The following PKP4 variants were observed in gnomAD, a reference collection of about 807,000 sequenced individuals.
PKP4 encodes the protein plakophilin 4, also known as plakophilin-4.
PKP4 carries 90 observed loss-of-function variants against 145.1 expected under a neutral mutation model. The ratio of observed to expected loss-of-function variants is 0.62; its 90% CI spans 0.52 to 0.74. The LOEUF (loss-of-function observed/expected upper bound fraction) is 0.74. Ranked by LOEUF, PKP4 falls within the 30% of genes least tolerant of loss-of-function variation. PKP4 has a pLI of 0.00. For missense variants in PKP4, 1,340 were observed against 1,482.7 expected, an observed-to-expected ratio of 0.90 and a Z score of 1.58; for synonymous variants, 563 against 577.2, an observed-to-expected ratio of 0.98 and a Z score of 0.35.
At chr2:158,665,137 G>C (rs2056962490) in intron 15 of PKP4, among the ~76,000 whole-genome samples, 1 of 152,198 alleles carries the variant, frequency 6.6e-6, no homozygotes, top group South Asian at 2.1e-4. Flanking sequence ...ATGTTATCAA[G>C]TAAGAAGCTA....
chr2:158,632,359 G>A (rs2053440918), intron 8 of PKP4: 1 of 182,080 alleles, frequency 5.5e-6, no homozygotes, highest in Non-Finnish European at 1.2e-5. Flanking sequence ...AAGCCCAAGT[G>A]TATTTGGCAT....
At chr2:158,608,814 T>C (rs1051829399) in intron 4 of PKP4, among the ~76,000 whole-genome samples, 61 of 133,650 alleles carry the variant, frequency 4.6e-4, no homozygotes, top group Non-Finnish European at 9.1e-4. Context: ...CTTTCTTTTT[T>C]TTTTTTTTTT....
In PKP4 at chr2:158,669,774, G is replaced by A; in HGVS notation, c.2783G>A (p.Ser928Asn). The change falls in exon 17 of 22, where the codon AGT (serine) becomes AAT (asparagine). Residue 928 changes from serine (S) to asparagine (N), a missense_variant. Transcript: ENST00000389759. ...VNRLPGGNGP[S>N]VLSDETMAAI... ...CGGCTCCCCGGCGGCAATGGCCCCA[G>A]TGTCTTGTCTGATGAGACCATGGCA... 2 of 1,611,400 alleles carry A rather than the reference G, an allele frequency of 1.2e-6. No homozygotes were observed. Among genetic ancestry groups the A allele is most frequent in the Non-Finnish European group, 1.7e-6 (2 of 1,178,164 alleles).
chr2:158,520,477 CTATT>C (rs1215873546), intron 1 of PKP4, among the ~76,000 whole-genome samples: 1 of 152,118 alleles, frequency 6.6e-6, no homozygotes, highest in Non-Finnish European at 1.5e-5. Context: ...AAATACTATT[CTATT>C]TATCATCACT....
intron 9 of PKP4, 64 bp from the exon 10 acceptor site, chr2:158,640,563 G>T (rs2054193162): frequency 6.4e-7 from 1 of 1,561,760 alleles, no homozygotes; most frequent in Non-Finnish European, 8.7e-7. Context: ...TATACCAAGT[G>T]TTTTTTTCAG....
chr2:158,505,299 A>C (rs922269835), intron 1 of PKP4, among the ~76,000 whole-genome samples: 1 of 152,206 alleles, frequency 6.6e-6, no homozygotes, highest in Non-Finnish European at 1.5e-5. Flanking sequence ...TCAGGGACCC[A>C]GAATAAAATT....
chr2:158,457,271 C>CG (rs1362462217), intron 1 of PKP4, 53 bp downstream of exon 1: 2 of 151,832 alleles, frequency 1.3e-5, no homozygotes, highest in African/African-American at 4.8e-5. Flanking sequence ...ACGAGACCCT[C>CG]GGCCCTCGCC....
intron 2 of PKP4, among the ~76,000 whole-genome samples, chr2:158,567,447 T>C (rs1433113183): frequency 1.3e-5 from 2 of 152,168 alleles, no homozygotes; most frequent in African/African-American, 4.8e-5. Context: ...TTTTTATAAG[T>C]AGTTTTATGG....
At chr2:158,529,309 C>G (rs1218664527) in intron 1 of PKP4, among the ~76,000 whole-genome samples, 1 of 152,154 alleles carries the variant, frequency 6.6e-6, no homozygotes, top group African/African-American at 2.4e-5. Context: ...CCTTCAGAGG[C>G]TTATAGGCAT....
intron 4 of PKP4, among the ~76,000 whole-genome samples, chr2:158,610,250 C>T (rs1430656660): frequency 6.6e-6 from 1 of 152,064 alleles, no homozygotes; most frequent in Non-Finnish European, 1.5e-5. Flanking sequence ...GTTATGTTAG[C>T]GCTCCCTTCT....
chr2:158,586,995 A>G (rs1015362685), intron 3 of PKP4, among the ~76,000 whole-genome samples: 1 of 152,224 alleles, frequency 6.6e-6, no homozygotes, highest in African/African-American at 2.4e-5. Flanking sequence ...TATATCTTTT[A>G]TGAGTAATAG....
chr2:158,657,897 T>C (rs539797832), intron 11 of PKP4, among the ~76,000 whole-genome samples: 1 of 152,272 alleles, frequency 6.6e-6, no homozygotes, highest in Non-Finnish European at 1.5e-5. Context: ...GGGTGTATAA[T>C]ATTCACCCTC....
At chr2:158,592,574 C>T (rs3771633) in intron 3 of PKP4, among the ~76,000 whole-genome samples, 30,073 of 151,884 alleles carry the variant, frequency 0.2, 3,832 homozygotes, top group Middle Eastern at 0.36. Flanking sequence ...TTCACACTTA[C>T]AATTAAATTT....
At chr2:158,584,482 G>A (rs530225214) in intron 3 of PKP4, among the ~76,000 whole-genome samples, 2 of 152,152 alleles carry the variant, frequency 1.3e-5, no homozygotes, top group Non-Finnish European at 2.9e-5. Flanking sequence ...CACATTTCAC[G>A]CAAGCAGAGA....
chr2:158,551,344 G>T (rs1377300002), intron 2 of PKP4, among the ~76,000 whole-genome samples: 3 of 152,188 alleles, frequency 2.0e-5, no homozygotes, highest in East Asian at 3.9e-4. Context: ...CTTCCCTGTA[G>T]TGGACAGTGC....
In PKP4 at chr2:158,634,091, G is replaced by C. The variant is rs2053615660; in HGVS notation, c.1364G>C (p.Arg455Thr). ...TGSVGIGNLQ[R>T]TSSQRSTLTY... ...CTAGTAGGTATTGGAAATCTACAAA[G>C]GACATCCAGCCAACGAAGTACCCTT... The change falls in exon 9 of 22, where the codon AGG becomes ACG. Residue 455 changes from arginine to threonine, a missense_variant. By Grantham distance (71) the Arg-to-Thr change is moderately conservative. Transcript: ENST00000389759. 6.2e-7 allele frequency: 1 copy of C among 1,610,338 alleles called. No homozygotes were observed. Among genetic ancestry groups the C allele is most frequent in the South Asian group, 1.1e-5 (1 of 90,980 alleles).
At chr2:158,515,748 C>CA (rs931768751) in intron 1 of PKP4, among the ~76,000 whole-genome samples, 3 of 151,654 alleles carry the variant, frequency 2.0e-5, no homozygotes, top group African/African-American at 2.4e-5. Flanking sequence ...AGATGATCCT[C>CA]AAAAAAAATG....
chr2:158,617,828 A>T (rs2051790547), intron 4 of PKP4, among the ~76,000 whole-genome samples: 1 of 152,246 alleles, frequency 6.6e-6, no homozygotes, highest in Non-Finnish European at 1.5e-5. Flanking sequence ...AATAGATTTC[A>T]GGATACTTTG....
At chr2:158,490,144 G>A (rs78263075) in intron 1 of PKP4, among the ~76,000 whole-genome samples, 22 of 152,094 alleles carry the variant, frequency 1.4e-4, no homozygotes, top group Admixed American at 1.4e-3. Context: ...ACACCAGATG[G>A]CATCTACCTA....
Sources: gnomAD v4.1 joint callset for allele counts (sites outside exome capture counted in the v4.1 genomes callset) on GRCh38, gnomAD v4.1.1 for gene constraint, MANE v1.5 for transcripts, NCBI Gene and HGNC (gene_info 2026-07-23, HGNC 2026-07-21) for gene names.